Variants in ZNF883 observed in about 807,000 individuals in gnomAD.
ZNF883 encodes zinc finger protein 883.
chr9:113,007,811 C>T (rs1014687336), intron 2 of ZNF883, among the ~76,000 whole-genome samples: 3 of 152,172 alleles, frequency 2.0e-5, no homozygotes, highest in African/African-American at 7.2e-5. Context: ...AACTGACTTG[C>T]CTAAGGTCAC....
At chr9:113,006,760 T>C (rs1378616492) in intron 2 of ZNF883, among the ~76,000 whole-genome samples, 3 of 152,192 alleles carry the variant, frequency 2.0e-5, no homozygotes, top group African/African-American at 7.2e-5. Context: ...CTAATCTGTC[T>C]CTCTTCTTCT....
intron 1 of ZNF883, among the ~76,000 whole-genome samples, chr9:113,011,947 C>T (rs1828543333): frequency 6.6e-6 from 1 of 152,114 alleles, no homozygotes; most frequent in African/African-American, 2.4e-5. Context: ...CACCCTGAAG[C>T]GGGATGCTGG....
rs1443749070 is a variant in ZNF883 at position 113,008,015 on chromosome 9, A to G, written n.165+3126T>C. Among the ~76,000 whole-genome samples the G allele has an allele frequency of 1.1e-4, 16 of 152,194 alleles. 1 individual carries two copies. Among genetic ancestry groups the G allele is most frequent in the Admixed American group, 1.0e-3 (16 of 15,284 alleles). On this transcript the variant is annotated intron_variant and non_coding_transcript_variant, in intron 2 of 4. Coordinates refer to the ZNF883 transcript ENST00000638622. The stretch of plus-strand genomic sequence containing the variant: ...GCATCACCGGGACAGCATTTTGTAC[A>G]AAGATTTTCTTGAAAGGGCAATGAG...
downstream of ZNF883, among the ~76,000 whole-genome samples, chr9:112,992,785 T>C (rs1001935995): frequency 1.3e-5 from 2 of 152,176 alleles, no homozygotes; most frequent in Non-Finnish European, 2.9e-5. Context: ...CATTCTTTTT[T>C]CTCTAATCTT....
At chr9:112,994,549 A>G (rs891892682), downstream of ZNF883, among the ~76,000 whole-genome samples, 2 of 152,106 alleles carry the variant, frequency 1.3e-5, no homozygotes, top group African/African-American at 2.4e-5. Context: ...TCAGAGATAA[A>G]TTAAATACAA....
chr9:112,990,980 G>T (rs1309703837), intron 1 of ZNF883, among the ~76,000 whole-genome samples: 3 of 151,924 alleles, frequency 2.0e-5, no homozygotes, highest in African/African-American at 7.2e-5. Context: ...TTTTTATTGT[G>T]TCTATTTGAT....
upstream of ZNF883, among the ~76,000 whole-genome samples, chr9:113,001,150 C>T (rs1367903965): frequency 2.0e-5 from 3 of 152,022 alleles, no homozygotes; most frequent in Admixed American, 2.0e-4. Flanking sequence ...AAGAATCTAA[C>T]TCCAAAGATT....
intron 1 of ZNF883, among the ~76,000 whole-genome samples, chr9:112,989,309 G>A (rs1412436160): frequency 6.6e-6 from 1 of 152,092 alleles, no homozygotes; most frequent in African/African-American, 2.4e-5. Context: ...ATAAGGTGTA[G>A]GGAAGGGGTC....
chr9:112,992,609 A>T (rs537844960), downstream of ZNF883, among the ~76,000 whole-genome samples: 1 of 152,308 alleles, frequency 6.6e-6, no homozygotes, highest in Admixed American at 6.5e-5. Flanking sequence ...GACTTCCTGA[A>T]TAAGAACGTT....
intron 2 of ZNF883, among the ~76,000 whole-genome samples, chr9:113,005,658 A>G (rs746071527): frequency 2.6e-5 from 4 of 152,194 alleles, no homozygotes; most frequent in Admixed American, 6.5e-5. Flanking sequence ...TGTTAATAAT[A>G]GTTATATTAC....
chr9:113,006,725 T>C (rs1301862558), intron 2 of ZNF883, among the ~76,000 whole-genome samples: 1 of 152,190 alleles, frequency 6.6e-6, no homozygotes, highest in African/African-American at 2.4e-5. Context: ...AGGATTTGGG[T>C]ACCTATCTAA....
rs1275763632 is a variant in ZNF883, at chr9:113,011,107, T to C, written n.165+34A>G. 2.0e-5 allele frequency: 3 copies of C among 152,200 alleles called. 1 individual carries two copies. The highest frequency in any genetic ancestry group is 6.5e-5 in the Admixed American group (1 of 15,282). The allele number at this position is 152,200 out of a possible 1,614,324, so 9.4% of individuals were successfully genotyped here. A position where few individuals can be genotyped will look rare whatever the true frequency, so the allele number is the denominator to read the frequency against. On this transcript the variant is annotated intron_variant and non_coding_transcript_variant, in intron 2 of 4. Coordinates refer to the ZNF883 transcript ENST00000638622. ...TGGAACTTTAGAAATTAAACCCAGC[T>C]TAAGGTACAAATGCCTTGAAAAGTT...
chr9:113,010,702 A>G (rs1319844112), intron 2 of ZNF883, among the ~76,000 whole-genome samples: 1 of 151,964 alleles, frequency 6.6e-6, no homozygotes, highest in East Asian at 1.9e-4. Context: ...ATAAAGAAAA[A>G]TTAGGCCGGG....
At chr9:112,997,204 A>G (rs1470116730) in exon 1 of ZNF883, 2 of 1,613,936 alleles carry the variant, frequency 1.2e-6, no homozygotes, top group East Asian at 4.5e-5. Context: ...CACCACACTT[A>G]GTACATTGAT....
At chr9:112,995,054 G>A (rs1828336768), downstream of ZNF883, among the ~76,000 whole-genome samples, 1 of 152,082 alleles carries the variant, frequency 6.6e-6, no homozygotes, top group African/African-American at 2.4e-5. Flanking sequence ...CCAAATATGT[G>A]GTGCTTAGAT....
At chr9:113,008,714 G>A (rs1365271875) in intron 2 of ZNF883, among the ~76,000 whole-genome samples, 1 of 152,018 alleles carries the variant, frequency 6.6e-6, no homozygotes, top group African/African-American at 2.4e-5. Flanking sequence ...ACTGTCCCAG[G>A]CACTGTCCCG....
At chr9:113,001,246 T>C (rs963247099), upstream of ZNF883, among the ~76,000 whole-genome samples, 1 of 152,112 alleles carries the variant, frequency 6.6e-6, no homozygotes, top group Admixed American at 6.6e-5. Flanking sequence ...GATAAAAAAT[T>C]TTTAGGCAAC....
upstream of ZNF883, among the ~76,000 whole-genome samples, chr9:113,001,214 G>C (rs1376215901): frequency 6.6e-6 from 1 of 152,126 alleles, no homozygotes; most frequent in African/African-American, 2.4e-5. Flanking sequence ...ATTTGGTAAT[G>C]ACAGAATAAT....
intron 1 of ZNF883, among the ~76,000 whole-genome samples, chr9:112,988,617 C>T (rs914068546): frequency 6.6e-5 from 10 of 152,110 alleles, no homozygotes; most frequent in African/African-American, 1.4e-4. Context: ...AATAAACATA[C>T]GTGTGCATGT....
Sources: allele counts gnomAD v4.1 joint callset (sites outside exome capture counted in the v4.1 genomes callset), GRCh38; gene constraint gnomAD v4.1.1; transcripts MANE v1.5; gene names NCBI Gene and HGNC (gene_info 2026-07-23, HGNC 2026-07-21).